The following STK4 variants were observed in gnomAD, a reference collection of about 807,000 sequenced individuals.
The protein encoded by STK4 is serine/threonine kinase 4, also known as serine/threonine-protein kinase 4.
STK4 carries 30 observed loss-of-function variants against 64.9 expected under a neutral mutation model. That is an observed-to-expected ratio of 0.46 (90% CI 0.35 to 0.63). The LOEUF is 0.63. Ranked by LOEUF, STK4 falls within the 20% of genes least tolerant of loss-of-function variation. STK4 has a pLI of 0.01. For synonymous variants in STK4, 177 were observed against 199.0 expected (o/e 0.89, Z 0.93); for missense variants, 466 against 598.5 (o/e 0.78, Z 2.31).
intron 8 of STK4, 145 bp from the exon 9 acceptor site, chr20:45,001,022 A>T: frequency 2.3e-6 from 2 of 862,854 alleles, no homozygotes; most frequent in Admixed American, 2.9e-5. Context: ...CTTAAGTAAC[A>T]GCGCTTTCAT....
rs71197585 is a variant in STK4 at position 44,971,665 on chromosome 20, C to CTTT, written c.36-390_36-388dup. On this transcript the variant is annotated intron_variant, in intron 1 of 10. Transcript: ENST00000372806. ...AATCTACAGCATTTCAGCCACATGA[C>CTTT]TTTTTTTTTTTTTTTTTTTTTTTTT... is the stretch of plus-strand genomic sequence containing the variant. Among the ~76,000 whole-genome samples the CTTT allele has an allele frequency of 1.8e-3, 159 of 90,370 alleles. 2 individuals are homozygous for CTTT. Among genetic ancestry groups the CTTT allele is most frequent in the African/African-American group, 2.1e-3 (48 of 22,896 alleles). The allele number at this position is 90,370 out of a possible 152,430, so 59.3% of individuals were successfully genotyped here.
intron 4 of STK4, among the ~76,000 whole-genome samples, chr20:44,984,919 T>C (rs1047336416): frequency 6.6e-6 from 1 of 152,190 alleles, no homozygotes; most frequent in Admixed American, 6.5e-5. Flanking sequence ...GTAGCTGGGA[T>C]TACAGCACCA....
intron 9 of STK4, among the ~76,000 whole-genome samples, chr20:45,005,375 G>A (rs1226684504): frequency 6.6e-6 from 1 of 151,984 alleles, no homozygotes; most frequent in African/African-American, 2.4e-5. Flanking sequence ...GCTGGGCGCT[G>A]TGGCTCACGC....
intron 10 of STK4, among the ~76,000 whole-genome samples, chr20:45,048,450 C>T (rs551826776): frequency 1.3e-5 from 2 of 151,256 alleles, no homozygotes; most frequent in South Asian, 4.2e-4. Context: ...AAGAGGAAGA[C>T]CTACACTTAT....
chr20:45,005,049 G>A (rs2067913740), intron 9 of STK4, among the ~76,000 whole-genome samples: 1 of 151,794 alleles, frequency 6.6e-6, no homozygotes, highest in Non-Finnish European at 1.5e-5. Flanking sequence ...GGGATTACAG[G>A]CATGAGCCAC....
At chr20:44,984,701 A>AT (rs1329645054) in intron 4 of STK4, among the ~76,000 whole-genome samples, 5 of 152,122 alleles carry the variant, frequency 3.3e-5, no homozygotes, top group Non-Finnish European at 7.4e-5. Flanking sequence ...AAAATCTTTG[A>AT]TTTTTTCATA....
chr20:44,979,380 T>A (rs2067397601), intron 3 of STK4, among the ~76,000 whole-genome samples: 1 of 152,162 alleles, frequency 6.6e-6, no homozygotes, highest in Non-Finnish European at 1.5e-5. Flanking sequence ...TACGTATTTA[T>A]TTTTGAGGAA....
At chr20:44,984,896 C>T (rs1429061776) in intron 4 of STK4, among the ~76,000 whole-genome samples, 1 of 151,966 alleles carries the variant, frequency 6.6e-6, no homozygotes, top group Admixed American at 6.6e-5. Context: ...ATCCTCCTGC[C>T]TCAGCCTCCT....
chr20:44,992,127 A>G (rs1345345309), intron 5 of STK4, among the ~76,000 whole-genome samples: 3 of 151,922 alleles, frequency 2.0e-5, no homozygotes, highest in Admixed American at 2.0e-4. Flanking sequence ...TAAGTTTCCA[A>G]ATTTTATATA....
intron 10 of STK4, among the ~76,000 whole-genome samples, chr20:45,049,666 G>A (rs899678174): frequency 6.6e-6 from 1 of 152,176 alleles, no homozygotes; most frequent in Non-Finnish European, 1.5e-5. Flanking sequence ...TTTAACAATG[G>A]TACTGTGAAT....
intron 10 of STK4, among the ~76,000 whole-genome samples, chr20:45,060,558 C>A (rs1009054541): frequency 2.0e-5 from 3 of 152,138 alleles, no homozygotes; most frequent in Non-Finnish European, 4.4e-5. Context: ...TACAGTCAGA[C>A]ACGCTAAGGT....
intron 10 of STK4, among the ~76,000 whole-genome samples, chr20:45,069,821 C>G (rs1012188817): frequency 6.6e-6 from 1 of 152,094 alleles, no homozygotes; most frequent in African/African-American, 2.4e-5. Context: ...AAGACAAGGT[C>G]AATCCCTTAC....
At chr20:45,072,998 T>C (rs1980207168) in intron 10 of STK4, among the ~76,000 whole-genome samples, 1 of 152,218 alleles carries the variant, frequency 6.6e-6, no homozygotes, top group Non-Finnish European at 1.5e-5. Flanking sequence ...AATAGTATTG[T>C]CTGTTTTCCA....
At chr20:45,020,081 C>A (rs2068215351) in intron 9 of STK4, among the ~76,000 whole-genome samples, 2 of 152,090 alleles carry the variant, frequency 1.3e-5, no homozygotes, top group African/African-American at 4.8e-5. Flanking sequence ...AAACTTAAAA[C>A]CTGACATTTG....
chr20:45,064,687 C>T (rs1979413926), intron 10 of STK4, among the ~76,000 whole-genome samples: 1 of 151,930 alleles, frequency 6.6e-6, no homozygotes, highest in Non-Finnish European at 1.5e-5. Flanking sequence ...TTTTATTTCC[C>T]TGGTATTTTA....
At chr20:45,024,862 G>A in intron 9 of STK4, 111 bp from the exon 10 acceptor site, 3 of 1,122,708 alleles carry the variant, frequency 2.7e-6, no homozygotes, top group Non-Finnish European at 3.5e-6. Context: ...TTATCTAACA[G>A]AAATATCCAC....
At chr20:44,982,802 A>C (rs867429146) in intron 4 of STK4, among the ~76,000 whole-genome samples, 7 of 151,962 alleles carry the variant, frequency 4.6e-5, no homozygotes, top group Admixed American at 1.3e-4. Flanking sequence ...AAAACAGATG[A>C]CAACTCTGCT....
At chr20:44,992,112 C>T (rs2067645618) in intron 5 of STK4, among the ~76,000 whole-genome samples, 1 of 151,888 alleles carries the variant, frequency 6.6e-6, no homozygotes, top group South Asian at 2.1e-4. Context: ...TAAAAAAATA[C>T]TACATAAGTT....
At chr20:45,054,153 T>C (rs1204370706) in intron 10 of STK4, among the ~76,000 whole-genome samples, 1 of 152,220 alleles carries the variant, frequency 6.6e-6, no homozygotes. Flanking sequence ...ATGCTAATGC[T>C]GCCCCGCATA....
Sources: allele counts gnomAD v4.1 joint callset (sites outside exome capture counted in the v4.1 genomes callset), GRCh38; gene constraint gnomAD v4.1.1; transcripts MANE v1.5; gene names NCBI Gene and HGNC (gene_info 2026-07-23, HGNC 2026-07-21).